Variants in DPP10 observed in about 807,000 individuals in gnomAD.
DPP10 encodes dipeptidyl peptidase like 10, also known as inactive dipeptidyl peptidase 10.
A neutral mutation model predicts 120.9 loss-of-function variants in DPP10; 33 were observed. The observed-to-expected ratio is 0.27, with a 90% confidence interval of 0.21 to 0.37. The LOEUF is 0.37. Among genes scored for constraint, DPP10 ranks in the 10% least tolerant of loss-of-function variants. The probability of loss-of-function intolerance (pLI) is 1.00; values close to 1 mark genes in which losing one functional copy is unlikely to be tolerated. For synonymous variants in DPP10, 337 were observed against 326.1 expected (o/e 1.03, Z -0.36); for missense variants, 816 against 942.8 (o/e 0.87, Z 1.76).
chr2:115,354,802 T>G (rs1251274114), intron 3 of DPP10, among the ~76,000 whole-genome samples: 1 of 152,094 alleles, frequency 6.6e-6, no homozygotes, highest in Non-Finnish European at 1.5e-5. Flanking sequence ...CATGTGGTGT[T>G]TGGTTTTCTG....
intron 4 of DPP10, among the ~76,000 whole-genome samples, chr2:115,512,009 G>T (rs2077258559): frequency 6.6e-6 from 1 of 151,960 alleles, no homozygotes; most frequent in African/African-American, 2.4e-5. Flanking sequence ...TGGGATTACA[G>T]GTGTGAGCCA....
At chr2:114,511,101 T>C in intron 1 of DPP10, among the ~76,000 whole-genome samples, 1 of 152,200 alleles carries the variant, frequency 6.6e-6, no homozygotes, top group East Asian at 1.9e-4. Context: ...AATTCAATCT[T>C]ATACCAAAGA....
At chr2:115,592,651 G>A (rs922333352) in intron 5 of DPP10, among the ~76,000 whole-genome samples, 7 of 151,970 alleles carry the variant, frequency 4.6e-5, no homozygotes, top group Admixed American at 3.9e-4. Flanking sequence ...AGCTACTAGC[G>A]AGGCTGAGGC....
chr2:114,697,689 G>T (rs1700146486), intron 1 of DPP10, among the ~76,000 whole-genome samples: 1 of 147,894 alleles, frequency 6.8e-6, no homozygotes, highest in Non-Finnish European at 1.5e-5. Flanking sequence ...GGCAGAGGTT[G>T]CAGTGAGCTG....
Position 114,907,899 on chromosome 2 carries a change from T to C in DPP10, c.61-401340T>C, listed in dbSNP as rs150691587. Among the ~76,000 whole-genome samples the C allele has an allele frequency of 6.5e-3, 993 of 152,192 alleles. 15 individuals carry two copies. The highest frequency in any genetic ancestry group is 0.023 in the African/African-American group (953 of 41,586). ...AGTTGTTCTACTTATTATTGGAAAT[T>C]GAGTATTAAAGTTTCCAACTACTAT... is the stretch of plus-strand genomic sequence containing the variant. On this transcript the variant is annotated intron_variant, in intron 1 of 25. Transcript: ENST00000410059.
intron 1 of DPP10, among the ~76,000 whole-genome samples, chr2:114,717,776 G>C (rs1259543386): frequency 3.3e-5 from 5 of 152,102 alleles, no homozygotes. Context: ...AGTAATTTAG[G>C]ATTAGAGAAA....
chr2:115,107,264 G>T (rs1386244474), intron 1 of DPP10, among the ~76,000 whole-genome samples: 3 of 151,638 alleles, frequency 2.0e-5, no homozygotes, highest in African/African-American at 7.3e-5. Flanking sequence ...ACAGTCTATT[G>T]TTCAGTCTAA....
Position 115,673,647 on chromosome 2 carries a change from A to T in DPP10, c.442-16040A>T, listed in dbSNP as rs145127408. Among the ~76,000 whole-genome samples the T allele has an allele frequency of 1.7e-3, 258 of 152,244 alleles. 1 individual carries two copies. The highest frequency in any genetic ancestry group is 6.0e-3 in the African/African-American group (250 of 41,542). ...CACTCTGTTTCCTAAACTGTTCGGTATGTAATTGTTACCTGGACTCTAAAG... is the reference window on the plus strand; with the variant it reads ...CACTCTGTTTCCTAAACTGTTCGGTTTGTAATTGTTACCTGGACTCTAAAG... On this transcript the variant is annotated intron_variant, in intron 5 of 25. Coordinates refer to ENST00000410059, the MANE Select transcript of DPP10 (RefSeq NM_020868.6).
chr2:115,264,548 T>G (rs1486587952), intron 1 of DPP10, among the ~76,000 whole-genome samples: 1 of 152,162 alleles, frequency 6.6e-6, no homozygotes, highest in Non-Finnish European at 1.5e-5. Context: ...AGAGGAGCAT[T>G]ATAGAGGCAT....
At chr2:115,240,809 A>G (rs986080033) in intron 1 of DPP10, among the ~76,000 whole-genome samples, 2 of 152,214 alleles carry the variant, frequency 1.3e-5, no homozygotes, top group African/African-American at 2.4e-5. Flanking sequence ...AGATAATTTT[A>G]TTCTTTATAA....
At chr2:114,464,483 A>C (rs1679186328) in intron 1 of DPP10, among the ~76,000 whole-genome samples, 1 of 152,182 alleles carries the variant, frequency 6.6e-6, no homozygotes, top group South Asian at 2.1e-4. Flanking sequence ...TTTCTAAAGA[A>C]ATATTTCAGA....
rs190869024 is a variant in DPP10 at position 115,579,634 on chromosome 2, A to G, written c.441+53662A>G. ...CTTTTAAACCAGTATTTATTTGGAA[A>G]CAATTTCAAATTGACAGATAATATT... is the stretch of plus-strand genomic sequence containing the variant. On this transcript the variant is annotated intron_variant, in intron 5 of 25. Coordinates refer to ENST00000410059, the MANE Select transcript of DPP10 (RefSeq NM_020868.6). 2.0e-3 allele frequency: 298 copies of G among 152,302 alleles called. 3 individuals are homozygous for G. The highest frequency in any genetic ancestry group is 6.9e-3 in the African/African-American group (286 of 41,562). 9.4% of individuals were successfully genotyped at this position (152,302 alleles called of 1,614,324 possible).
At chr2:115,471,697 T>C in intron 3 of DPP10, among the ~76,000 whole-genome samples, 1 of 151,984 alleles carries the variant, frequency 6.6e-6, no homozygotes, top group Non-Finnish European at 1.5e-5. Context: ...AGCGATCCTC[T>C]CACCTCAGCC....
At chr2:115,393,900 C>T (rs1302841330) in intron 3 of DPP10, among the ~76,000 whole-genome samples, 1 of 151,942 alleles carries the variant, frequency 6.6e-6, no homozygotes, top group Non-Finnish European at 1.5e-5. Context: ...ATATGGAGGT[C>T]CATAGATGAA....
At chr2:115,261,524 T>TATAGCAAAAATCAAA (rs2059250574) in intron 1 of DPP10, among the ~76,000 whole-genome samples, 1 of 152,216 alleles carries the variant, frequency 6.6e-6, no homozygotes, top group Admixed American at 6.5e-5. Context: ...TAATCCAATT[T>TATAGCAAAAATCAAA]ATCACTTGCT....
intron 1 of DPP10, among the ~76,000 whole-genome samples, chr2:114,557,453 G>A (rs539424944): frequency 2.6e-5 from 4 of 152,150 alleles, no homozygotes; most frequent in Non-Finnish European, 5.9e-5. Flanking sequence ...AGACCAACAC[G>A]CCATCTTTCC....
chr2:114,999,109 CAG>C (rs1701276462), intron 1 of DPP10, among the ~76,000 whole-genome samples: 1 of 152,140 alleles, frequency 6.6e-6, no homozygotes, highest in African/African-American at 2.4e-5. Flanking sequence ...CCCATGAGAG[CAG>C]AGACTGTTTT....
At chr2:115,274,419 G>T (rs989807458) in intron 1 of DPP10, among the ~76,000 whole-genome samples, 1 of 151,806 alleles carries the variant, frequency 6.6e-6, no homozygotes, top group South Asian at 2.1e-4. Flanking sequence ...TTTGAGATCT[G>T]GTATTGCTCT....
At chr2:115,563,442 T>C (rs1178280877) in intron 5 of DPP10, among the ~76,000 whole-genome samples, 1 of 152,180 alleles carries the variant, frequency 6.6e-6, no homozygotes, top group Non-Finnish European at 1.5e-5. Flanking sequence ...TCGAGAGAGC[T>C]GTTACAATCA....
Sources: gnomAD v4.1 joint callset for allele counts (sites outside exome capture counted in the v4.1 genomes callset) on GRCh38, gnomAD v4.1.1 for gene constraint, MANE v1.5 for transcripts, NCBI Gene and HGNC (gene_info 2026-07-23, HGNC 2026-07-21) for gene names.